Variants in NACC2 observed in about 807,000 individuals in gnomAD.
The protein encoded by NACC2 is NACC family member 2, also known as nucleus accumbens-associated protein 2.
Under a neutral mutation model 25.1 loss-of-function variants are expected in NACC2, and 8 were observed. The observed-to-expected ratio is 0.32, with a 90% confidence interval of 0.19 to 0.57. NACC2 has a LOEUF of 0.57. NACC2 is among the 20% of genes least tolerant of loss of function. NACC2 has a pLI of 0.89. For synonymous variants in NACC2, 435 were observed against 294.7 expected (o/e 1.48, Z -4.88); for missense variants, 644 against 650.2 (o/e 0.99, Z 0.10).
At chr9:136,057,580 G>A (rs1190313941) in intron 1 of NACC2, among the ~76,000 whole-genome samples, 2 of 152,242 alleles carry the variant, frequency 1.3e-5, no homozygotes, top group East Asian at 1.9e-4. Flanking sequence ...AATAACGTAA[G>A]CTTGAAGAGC....
chr9:136,046,165 G>C, intron 2 of NACC2, among the ~76,000 whole-genome samples: 1 of 152,340 alleles, frequency 6.6e-6, no homozygotes, highest in East Asian at 1.9e-4. Flanking sequence ...GCTGGCCCCT[G>C]ACTCACCCCC....
At chr9:136,081,126 A>G (rs1197423572) in intron 1 of NACC2, among the ~76,000 whole-genome samples, 4 of 152,114 alleles carry the variant, frequency 2.6e-5, no homozygotes, top group African/African-American at 9.7e-5. Context: ...ACAGGAAACC[A>G]TTCCCAGAGG....
chr9:136,047,632 G>A (rs950104421), intron 2 of NACC2, among the ~76,000 whole-genome samples: 9 of 152,228 alleles, frequency 5.9e-5, no homozygotes, highest in Non-Finnish European at 1.0e-4. Context: ...CAATGGGACT[G>A]TACCTCGTGT....
At position 136,013,233 on chromosome 9, in the gene NACC2, C is replaced by T; in HGVS notation, c.1221G>A (p.Lys407=). 6.3e-7 allele frequency: 1 copy of T among 1,595,868 alleles called. No individual in the cohort carries two copies. Among genetic ancestry groups the T allele is most frequent in the South Asian group, 1.1e-5 (1 of 90,754 alleles). ...IRSSTSDPSR[K]PLDSRVLNAV... ...CGTTCAGGACCCGGCTGTCCAGCGG[C>T]TTCCGGCTGGGGTCGCTGGTGGACG... The change falls in exon 5 of 6, where the codon AAG becomes AAA. Residue 407 remains lysine (K), a synonymous_variant. Transcript: ENST00000277554. The surrounding 1 kb of genome is among the most constrained non-coding windows in gnomAD (Gnocchi z 6.6).
At chr9:136,093,472 G>A (rs558392454) in intron 1 of NACC2, among the ~76,000 whole-genome samples, 46 of 152,260 alleles carry the variant, frequency 3.0e-4, no homozygotes, top group African/African-American at 1.1e-3. Flanking sequence ...AGATCTCCCG[G>A]GTGGCTCCTC....
chr9:136,035,712 TA>T (rs35266940), intron 2 of NACC2, among the ~76,000 whole-genome samples: 1,916 of 145,746 alleles, frequency 0.013, 32 homozygotes, highest in South Asian at 0.057. Context: ...CCTTGTTTGT[TA>T]AAAAAAAAAA....
At chr9:136,012,751 C>T (rs1488073321) in intron 5 of NACC2, among the ~76,000 whole-genome samples, 3 of 149,580 alleles carry the variant, frequency 2.0e-5, no homozygotes, top group East Asian at 4.0e-4. Flanking sequence ...CCACCTGGTG[C>T]GAGCCGGCAG....
intron 1 of NACC2, among the ~76,000 whole-genome samples, chr9:136,074,811 G>A (rs150256253): frequency 8.9e-4 from 135 of 152,222 alleles, no homozygotes; most frequent in African/African-American, 2.7e-3. Context: ...TGCGGGGCTC[G>A]GGGATGTATC....
intron 1 of NACC2, among the ~76,000 whole-genome samples, chr9:136,066,246 T>G (rs1045898009): frequency 6.6e-6 from 1 of 150,624 alleles, no homozygotes; most frequent in Non-Finnish European, 1.5e-5. Context: ...AGGGAATATC[T>G]GCCAACCATA....
Position 136,022,799 on chromosome 9 carries a change from T to C in NACC2, c.887-6370A>G, listed in dbSNP as rs1840311631. Among the ~76,000 whole-genome samples the C allele has an allele frequency of 6.6e-6, 1 of 151,660 alleles. No individual in the cohort carries two copies. The highest frequency in any genetic ancestry group is 1.5e-5 in the Non-Finnish European group (1 of 67,936). On this transcript the variant is annotated intron_variant, in intron 2 of 5. Transcript: ENST00000277554. The surrounding 1 kb of genome is among the most constrained non-coding windows in gnomAD (Gnocchi z 4.4). Reference sequence around the variant, plus strand: ...TTGGTGGGAGCACAGAGGCCACAATTATAAGGCATGCCATTCTCTCATGTG... The same window carrying C: ...TTGGTGGGAGCACAGAGGCCACAATCATAAGGCATGCCATTCTCTCATGTG...
chr9:136,018,692 G>C lies in NACC2; in HGVS notation c.887-2263C>G, dbSNP rs1840240050. 6.6e-6 allele frequency among the ~76,000 whole-genome samples: 1 copy of C among 151,376 alleles called. No individual in the cohort carries two copies. The highest frequency in any genetic ancestry group is 2.1e-4 in the South Asian group (1 of 4,750). The stretch of plus-strand genomic sequence containing the variant: ...CAGCCCCTGCCCGGCCACTACAGGG[G>C]TCAGGCAGCATTTCCCGGTGGGGCA... On this transcript the variant is annotated intron_variant, in intron 2 of 5. Coordinates refer to ENST00000277554, the MANE Select transcript of NACC2 (RefSeq NM_144653.5). The surrounding 1 kb of genome is among the most constrained non-coding windows in gnomAD (Gnocchi z 4.4).
chr9:136,083,508 G>A (rs1446705265), intron 1 of NACC2, among the ~76,000 whole-genome samples: 4 of 152,262 alleles, frequency 2.6e-5, no homozygotes, highest in Admixed American at 2.6e-4. Flanking sequence ...GCAGATGTAA[G>A]ATCAAGTTCA....
intron 3 of NACC2, among the ~76,000 whole-genome samples, chr9:136,014,860 G>T (rs1207099506): frequency 1.3e-5 from 2 of 152,196 alleles, no homozygotes; most frequent in African/African-American, 4.8e-5. Context: ...CACACCCCAG[G>T]TGTCCCACCA....
chr9:136,011,781 C>G lies in NACC2; in HGVS notation c.1499G>C (p.Arg500Pro). ...AGCCACGATGGTGGCGGCGTCGCCC[C>G]GCCGCTCGGCGTAGATGCGTTGCTC... Reference protein sequence around the residue: ...VFEQRIYAERRGDAATIVALR... With the variant: ...VFEQRIYAERPGDAATIVALR... The change falls in exon 6 of 6, where the codon CGG (arginine) becomes CCG (proline). Residue 500 changes from arginine (R) to proline (P), a missense_variant. By Grantham distance (103) the Arg-to-Pro change is moderately radical. Transcript: ENST00000277554. 6.5e-7 allele frequency: 1 copy of G among 1,545,568 alleles called. No homozygotes were observed. The highest frequency in any genetic ancestry group is 8.7e-7 in the Non-Finnish European group (1 of 1,145,396).
intron 2 of NACC2, among the ~76,000 whole-genome samples, chr9:136,025,696 T>C (rs1840376813): frequency 6.6e-6 from 1 of 151,224 alleles, no homozygotes; most frequent in Admixed American, 6.6e-5. Context: ...GGCCAGTCAC[T>C]TGAGGTTAGG....
At position 136,022,930 on chromosome 9, in the gene NACC2, C is replaced by T. The variant is rs568923506; in HGVS notation, c.887-6501G>A. ...CCACGCCACACCGTGCCTGTTAAGA[C>T]ACAGCCCGTTTCGTGGATGCTGACA... On this transcript the variant is annotated intron_variant, in intron 2 of 5. Coordinates refer to ENST00000277554, the MANE Select transcript of NACC2 (RefSeq NM_144653.5). The surrounding 1 kb of genome is among the most constrained non-coding windows in gnomAD (Gnocchi z 4.4). 6.7e-6 allele frequency among the ~76,000 whole-genome samples: 1 copy of T among 148,802 alleles called. No individual in the cohort carries two copies. The highest frequency in any genetic ancestry group is 2.5e-5 in the African/African-American group (1 of 40,088).
In NACC2 at chr9:136,049,662, T is replaced by C. The variant is rs1039398502; in HGVS notation, c.860A>G (p.Tyr287Cys). ...TMVEEQYGQM[Y>C]IKASGSYAVQ... ...TGCATAGCTGCCGGAGGCCTTGATG[T>C]ACATCTGGCCGTACTGCTCCTCCAC... Residue 287 changes from tyrosine to cysteine, a missense_variant, in exon 2 of 6, where the codon TAC (tyrosine) becomes TGC (cysteine). Coordinates refer to ENST00000277554, the MANE Select transcript of NACC2 (RefSeq NM_144653.5). 37 of 778,324 alleles carry C rather than the reference T, an allele frequency of 4.8e-5. No homozygotes were observed. The African/African-American group carries it at 5.6e-4, about 12-fold the overall frequency. 48.2% of individuals were successfully genotyped at this position (778,324 alleles called of 1,614,324 possible).
At position 136,007,038 on chromosome 9, in the gene NACC2, C is replaced by T. The variant is rs890198505; in HGVS notation, c.*4478G>A. The T allele has an allele frequency of 3.2e-5, 5 of 154,262 alleles. No individual in the cohort carries two copies. The highest frequency in any genetic ancestry group is 7.3e-5 in the Non-Finnish European group (5 of 68,210). The allele number at this position is 154,262 out of a possible 1,614,324, so 9.6% of individuals were successfully genotyped here. A position where few individuals can be genotyped will look rare whatever the true frequency, so the allele number is the denominator to read the frequency against. On this transcript the variant is annotated 3_prime_UTR_variant, in exon 6 of 6. Transcript: ENST00000277554. Reference sequence around the variant, plus strand: ...TGGATGCTCTACTTGCACCCAGTGCCATCCAAATCTTCAAGTCAAAAATAT... The same window carrying T: ...TGGATGCTCTACTTGCACCCAGTGCTATCCAAATCTTCAAGTCAAAAATAT...
At chr9:136,046,712 G>T (rs898983732) in intron 2 of NACC2, among the ~76,000 whole-genome samples, 3 of 152,192 alleles carry the variant, frequency 2.0e-5, no homozygotes, top group Admixed American at 1.3e-4. Context: ...CTTTGATAAG[G>T]CACTGGAGAA....
Sources: allele counts gnomAD v4.1 joint callset (sites outside exome capture counted in the v4.1 genomes callset), GRCh38; gene constraint gnomAD v4.1.1; non-coding constraint Gnocchi (gnomAD v3.1); transcripts MANE v1.5; gene names NCBI Gene and HGNC (gene_info 2026-07-23, HGNC 2026-07-21).